The following ADD3 variants were observed in gnomAD, a reference collection of about 807,000 sequenced individuals.
ADD3 encodes gamma-adducin.
ADD3 carries 25 observed loss-of-function variants against 80.2 expected under a neutral mutation model. The ratio of observed to expected loss-of-function variants is 0.31; its 90% CI spans 0.23 to 0.44. ADD3 has a LOEUF of 0.44. Among genes scored for constraint, ADD3 ranks in the 20% least tolerant of loss-of-function variants. ADD3 has a pLI of 1.00. For missense variants in ADD3, 829 were observed against 847.5 expected (o/e 0.98, Z 0.27); for synonymous variants, 284 against 289.6 (o/e 0.98, Z 0.20).
In ADD3 at chr10:110,025,112, T is replaced by A. The variant is rs1854129362; in HGVS notation, c.-30+16813T>A. On this transcript the variant is annotated intron_variant, in intron 1 of 14. Coordinates refer to ENST00000356080, the MANE Select transcript of ADD3 (RefSeq NM_016824.5). ...GGTTTTGCCATGTTGGCCAGGCTGCTCTTAAACTCCTGGCCTCAAGTGATC... is the reference window on the plus strand; with the variant it reads ...GGTTTTGCCATGTTGGCCAGGCTGCACTTAAACTCCTGGCCTCAAGTGATC... Among the ~76,000 whole-genome samples, 4 of 152,130 alleles carry A rather than the reference T, an allele frequency of 2.6e-5. No homozygotes were observed. In the South Asian group the frequency reaches 8.3e-4, roughly 32 times the overall value.
At chr10:110,125,104 T>C (rs1463397857) in intron 10 of ADD3, among the ~76,000 whole-genome samples, 2 of 152,192 alleles carry the variant, frequency 1.3e-5, no homozygotes, top group African/African-American at 4.8e-5. Flanking sequence ...TACCTAGGCA[T>C]CAAAATGTCT....
At chr10:110,096,999 T>C (rs1848246309) in intron 1 of ADD3, among the ~76,000 whole-genome samples, 2 of 152,156 alleles carry the variant, frequency 1.3e-5, no homozygotes, top group African/African-American at 2.4e-5. Flanking sequence ...GCTGGTGAGC[T>C]CAGAATTGAA....
At chr10:110,114,144 C>T (rs547126937) in intron 3 of ADD3, among the ~76,000 whole-genome samples, 1 of 152,292 alleles carries the variant, frequency 6.6e-6, no homozygotes, top group Non-Finnish European at 1.5e-5. Context: ...GGAGGAAAGC[C>T]ATGTGCCACT....
At chr10:110,059,244 G>A (rs2133480007) in intron 1 of ADD3, among the ~76,000 whole-genome samples, 1 of 152,338 alleles carries the variant, frequency 6.6e-6, no homozygotes, top group South Asian at 2.1e-4. Flanking sequence ...GGCTGAGGCA[G>A]TTGAATCACT....
chr10:110,039,812 G>A (rs768676260), intron 1 of ADD3, among the ~76,000 whole-genome samples: 11 of 152,116 alleles, frequency 7.2e-5, no homozygotes, highest in Non-Finnish European at 1.6e-4. Flanking sequence ...CTCTAACTTC[G>A]CTCTTGGTTG....
At position 110,083,184 on chromosome 10, in the gene ADD3, T is replaced by C. The variant is rs532059904; in HGVS notation, c.-29-17441T>C. Among the ~76,000 whole-genome samples the C allele has an allele frequency of 1.1e-4, 17 of 152,214 alleles. No individual in the cohort carries two copies. In the East Asian group the frequency reaches 2.3e-3, roughly 21 times the overall value. ...TGAACACTAAGGTTGCGGGGAGAGC[T>C]AAGATGGAGGAACTTAGGAAAGTCA... On this transcript the variant is annotated intron_variant, in intron 1 of 14. Transcript: ENST00000356080.
chr10:110,094,949 T>A (rs1054033534), intron 1 of ADD3, among the ~76,000 whole-genome samples: 1 of 152,238 alleles, frequency 6.6e-6, no homozygotes, highest in Non-Finnish European at 1.5e-5. Context: ...TTGCTTATTC[T>A]AAAGAAAGCT....
At chr10:110,090,901 T>G (rs933964676) in intron 1 of ADD3, among the ~76,000 whole-genome samples, 4 of 152,324 alleles carry the variant, frequency 2.6e-5, no homozygotes, top group Admixed American at 2.6e-4. Flanking sequence ...GTCCTAACTT[T>G]TACTAAACAA....
chr10:110,002,435 G>A (rs978501984), upstream of ADD3, among the ~76,000 whole-genome samples: 140 of 151,768 alleles, frequency 9.2e-4, 2 homozygotes, highest in Non-Finnish European at 3.5e-4. Context: ...CCCCCACACC[G>A]GGCTAATTTT....
chr10:110,065,542 T>TTTTTTTTTTTC (rs1843822891), intron 1 of ADD3, among the ~76,000 whole-genome samples: 2 of 78,656 alleles, frequency 2.5e-5, no homozygotes, highest in African/African-American at 9.2e-5. Context: ...CTCTCCCCTT[T>TTTTTTTTTTTC]TTTTTTTTTT....
At chr10:110,000,135 G>A (rs988540064) in intron 1 of ADD3, among the ~76,000 whole-genome samples, 1 of 152,162 alleles carries the variant, frequency 6.6e-6, no homozygotes, top group Non-Finnish European at 1.5e-5. Flanking sequence ...GGCCAGGCTG[G>A]TCTTGAACTC....
intron 1 of ADD3, among the ~76,000 whole-genome samples, chr10:110,073,789 G>C (rs1845057413): frequency 6.6e-6 from 1 of 152,186 alleles, no homozygotes; most frequent in Admixed American, 6.5e-5. Context: ...AGTGGGCTAA[G>C]CTCTAAGCTC....
intron 1 of ADD3, among the ~76,000 whole-genome samples, chr10:110,092,264 C>T (rs1847618256): frequency 6.6e-6 from 1 of 152,094 alleles, no homozygotes; most frequent in Admixed American, 6.6e-5. Flanking sequence ...GACACAAGCG[C>T]AAATATGTTC....
In ADD3 at chr10:110,133,471, C is replaced by T. The variant is rs568629103; in HGVS notation, c.1974C>T (p.Ile658=). ...RLSTSTTIEN[I]EITIKSPEKI... is the part of the protein sequence containing the mutation. ...GCACAAGTACAACCATAGAAAACAT[C>T]GAGATTACTATTAAGTCTCCAGAGA... The change falls in exon 15 of 15, where the codon ATC becomes ATT. Residue 658 remains isoleucine, a synonymous_variant. Transcript: ENST00000356080. 6 of 1,613,800 alleles carry T rather than the reference C, an allele frequency of 3.7e-6. No individual in the cohort carries two copies. Among genetic ancestry groups the T allele is most frequent in the East Asian group, 4.5e-5 (2 of 44,856 alleles).
chr10:110,027,168 G>T (rs1401199538), intron 1 of ADD3, among the ~76,000 whole-genome samples: 3 of 152,210 alleles, frequency 2.0e-5, no homozygotes, highest in Non-Finnish European at 4.4e-5. Context: ...ATTACTGTAA[G>T]AATTTGTTTG....
At chr10:110,086,873 G>C (rs532143786) in intron 1 of ADD3, among the ~76,000 whole-genome samples, 2 of 152,258 alleles carry the variant, frequency 1.3e-5, no homozygotes, top group African/African-American at 4.8e-5. Flanking sequence ...TACTAAACTA[G>C]TTTCTTAGGG....
At position 110,072,345 on chromosome 10, in the gene ADD3, G is replaced by A. The variant is rs185649469; in HGVS notation, c.-29-28280G>A. Among the ~76,000 whole-genome samples the A allele has an allele frequency of 6.7e-3, 1,013 of 152,288 alleles. 10 individuals are homozygous for A. The highest frequency in any genetic ancestry group is 7.7e-3 in the Non-Finnish European group (527 of 68,024). On this transcript the variant is annotated intron_variant, in intron 1 of 14. Transcript: ENST00000356080. ...CTCCCAAAGTGCTGGGATTACAGGC[G>A]TGAGCCACTGTGCCCGGCCACCATG...
intron 3 of ADD3, among the ~76,000 whole-genome samples, chr10:110,114,416 G>T (rs1850434760): frequency 6.6e-6 from 1 of 152,200 alleles, no homozygotes; most frequent in African/African-American, 2.4e-5. Flanking sequence ...GTAAAAAGCA[G>T]TGCTTTAGAA....
chr10:110,104,744 T>C (rs145078887), intron 2 of ADD3, among the ~76,000 whole-genome samples: 25 of 152,342 alleles, frequency 1.6e-4, no homozygotes, highest in Non-Finnish European at 3.1e-4. Flanking sequence ...CAAGCACCTA[T>C]TATGCATCTT....
Sources: allele counts gnomAD v4.1 joint callset (sites outside exome capture counted in the v4.1 genomes callset), GRCh38; gene constraint gnomAD v4.1.1; transcripts MANE v1.5; gene names NCBI Gene and HGNC (gene_info 2026-07-23, HGNC 2026-07-21).